The following RSPH1 variants were observed in gnomAD, a reference collection of about 807,000 sequenced individuals.
RSPH1 encodes the protein radial spoke head component 1.
A neutral mutation model predicts 44.2 loss-of-function variants in RSPH1; 32 were observed. The ratio of observed to expected loss-of-function variants is 0.72; its 90% CI spans 0.55 to 0.97. RSPH1 has a LOEUF of 0.97. Ranked by LOEUF, RSPH1 falls within the 50% of genes least tolerant of loss-of-function variation. The pLI is 0.00. For synonymous variants in RSPH1, 134 were observed against 147.3 expected (o/e 0.91, Z 0.65); for missense variants, 391 against 398.7 (o/e 0.98, Z 0.16).
intron 5 of RSPH1, 76 bp from the exon 6 acceptor site, chr21:42,482,784 T>C: frequency 9.4e-7 from 1 of 1,060,042 alleles, no homozygotes; most frequent in Non-Finnish European, 1.4e-6. Context: ...ACCACCACAA[T>C]ACCCACCTCA....
rs747819266 is a variant in RSPH1 at position 42,492,989 on chromosome 21, C to T, written c.145G>A (p.Glu49Lys). 7.4e-6 allele frequency: 12 copies of T among 1,614,188 alleles called. No homozygotes were observed. Among genetic ancestry groups the T allele is most frequent in the East Asian group, 4.5e-5 (2 of 44,890 alleles). Reference protein sequence around the residue: ...PNGDTYEGSYEFGKRHGQGIY... With the variant: ...PNGDTYEGSYKFGKRHGQGIY... ...ACCTGGCCATGTCTTTTACCGAATT[C>T]GTAGCTCCCTTCGTAGGTGTCCCCG... Residue 49 changes from glutamate to lysine, a missense_variant, in exon 2 of 9, where the codon GAA (glutamate) becomes AAA (lysine). Physicochemically the swap from Glu to Lys is moderately conservative, Grantham distance 56 (BLOSUM62 1). Transcript: ENST00000291536.
chr21:42,482,663 G>T lies in RSPH1; in HGVS notation c.547C>A (p.His183Asn). The stretch of plus-strand genomic sequence containing the variant: ...ATATCTGTTAAACGATATTCACCAT[G>T]TTGTTCACACCCAACATCAAATACA... ...KYVFDVGCEQ[H>N]GEYRLTDMER... Residue 183 changes from histidine to asparagine, a missense_variant, in exon 6 of 9, where the codon CAT (histidine) becomes AAT (asparagine). His to Asn is a moderately conservative substitution (Grantham distance 68). Coordinates refer to ENST00000291536, the MANE Select transcript of RSPH1 (RefSeq NM_080860.4). 1 of 1,613,266 alleles carries T rather than the reference G, an allele frequency of 6.2e-7. No individual in the cohort carries two copies. Among genetic ancestry groups the T allele is most frequent in the Non-Finnish European group, 8.5e-7 (1 of 1,179,596 alleles).
intron 3 of RSPH1, among the ~76,000 whole-genome samples, chr21:42,490,702 A>G (rs1016686716): frequency 1.3e-5 from 2 of 152,160 alleles, no homozygotes; most frequent in African/African-American, 4.8e-5. Context: ...AACCCTTGAC[A>G]TTTCCTGACT....
intron 2 of RSPH1, 50 bp from the exon 3 acceptor site, chr21:42,492,913 G>T: frequency 1.3e-6 from 2 of 1,581,126 alleles, no homozygotes; most frequent in Non-Finnish European, 1.7e-6. Flanking sequence ...TGTAGCATTT[G>T]CTAACAGAGT....
At chr21:42,485,641 T>G in intron 5 of RSPH1, 28 bp downstream of exon 5, 3 of 1,613,772 alleles carry the variant, frequency 1.9e-6, no homozygotes, top group Middle Eastern at 1.7e-4. Flanking sequence ...TGTACTTCAT[T>G]GGCAAATGTC....
chr21:42,488,658 G>C (rs1035631948), intron 3 of RSPH1, among the ~76,000 whole-genome samples: 2 of 152,090 alleles, frequency 1.3e-5, no homozygotes, highest in African/African-American at 4.8e-5. Flanking sequence ...CCAAGAGGAC[G>C]GTGAGCAAAA....
At chr21:42,488,658 G>A (rs1035631948) in intron 3 of RSPH1, among the ~76,000 whole-genome samples, 9 of 152,090 alleles carry the variant, frequency 5.9e-5, no homozygotes, top group Non-Finnish European at 7.4e-5. Context: ...CCAAGAGGAC[G>A]GTGAGCAAAA....
At chr21:42,477,817 G>A (rs545669732) in intron 6 of RSPH1, among the ~76,000 whole-genome samples, 30 of 152,074 alleles carry the variant, frequency 2.0e-4, no homozygotes, top group African/African-American at 3.4e-4. Context: ...TCAATTGTTC[G>A]GCCACATTTT....
chr21:42,487,622 T>C (rs777464705), intron 3 of RSPH1, among the ~76,000 whole-genome samples: 7 of 152,232 alleles, frequency 4.6e-5, no homozygotes, highest in Non-Finnish European at 8.8e-5. Context: ...TAACTTATTT[T>C]GATTTATCAT....
chr21:42,479,858 T>G (rs1262885280), intron 6 of RSPH1, among the ~76,000 whole-genome samples: 1 of 152,142 alleles, frequency 6.6e-6, no homozygotes, highest in African/African-American at 2.4e-5. Flanking sequence ...CCACCCAGAC[T>G]AGAGCACCCT....
Position 42,475,924 on chromosome 21 carries a change from T to C in RSPH1, c.851A>G (p.Glu284Gly). Reference sequence around the variant, plus strand: ...CTCATCCATGTCATAGCGGAACTCCTCCTGGTCATACTCCCGGCTCTCTTC... The same window carrying C: ...CTCATCCATGTCATAGCGGAACTCCCCCTGGTCATACTCCCGGCTCTCTTC... ...LREESREYDQ[E>G]EFRYDMDEGN... The change falls in exon 8 of 9, where the codon GAG (glutamate) becomes GGG (glycine). Residue 284 changes from glutamate (E) to glycine (G), a missense_variant. Transcript: ENST00000291536. 1 of 1,611,074 alleles carries C rather than the reference T, an allele frequency of 6.2e-7. No individual in the cohort carries two copies. Among genetic ancestry groups the C allele is most frequent in the Non-Finnish European group, 8.5e-7 (1 of 1,179,372 alleles).
chr21:42,493,322 C>G (rs1000519041), intron 1 of RSPH1, among the ~76,000 whole-genome samples: 13 of 152,216 alleles, frequency 8.5e-5, no homozygotes, highest in African/African-American at 3.1e-4. Flanking sequence ...TTCCCTCCCT[C>G]CAACACAGAG....
At chr21:42,490,235 C>A (rs1332320949) in intron 3 of RSPH1, among the ~76,000 whole-genome samples, 15 of 152,122 alleles carry the variant, frequency 9.9e-5, no homozygotes, top group Admixed American at 9.8e-4. Flanking sequence ...ATAGCCTCTG[C>A]TGGCTCCTGG....
chr21:42,479,152 G>A (rs2054100476), intron 6 of RSPH1, among the ~76,000 whole-genome samples: 1 of 152,162 alleles, frequency 6.6e-6, no homozygotes, highest in Non-Finnish European at 1.5e-5. Context: ...AATTTAAAAA[G>A]AAACAGGGAG....
intron 3 of RSPH1, 47 bp from the exon 4 acceptor site, chr21:42,486,508 G>T: frequency 7.6e-7 from 1 of 1,316,736 alleles, no homozygotes; most frequent in Non-Finnish European, 1.1e-6. Flanking sequence ...AGAAGGGATC[G>T]ATGCCCTGTA....
In RSPH1 at chr21:42,486,422, T is replaced by C. The variant is rs1230211514; in HGVS notation, c.314A>G (p.Tyr105Cys). Reference protein sequence around the residue: ...ANDLRHGHGVYYYINNDTYTG... With the variant: ...ANDLRHGHGVCYYINNDTYTG... ...GTAGGTGTCATTATTGATGTAGTAG[T>C]ATACGCCATGGCCGTGCCGCAGGTC... The change falls in exon 4 of 9, where the codon TAC becomes TGC. Residue 105 changes from tyrosine (Y) to cysteine (C), a missense_variant. Tyr to Cys is a radical substitution (Grantham distance 194). Transcript: ENST00000291536. 6.2e-7 allele frequency: 1 copy of C among 1,613,970 alleles called. No individual in the cohort carries two copies. Among genetic ancestry groups the C allele is most frequent in the African/African-American group, 1.3e-5 (1 of 74,916 alleles).
Position 42,477,287 on chromosome 21 carries a change from A to T in RSPH1, c.727+4T>A, listed in dbSNP as rs2054075716. 1.9e-6 allele frequency: 3 copies of T among 1,609,872 alleles called. No homozygotes were observed. The highest frequency in any genetic ancestry group is 2.5e-6 in the Non-Finnish European group (3 of 1,177,938). On this transcript the variant is annotated splice_donor_region_variant and intron_variant, in intron 7 of 8. Coordinates refer to ENST00000291536, the MANE Select transcript of RSPH1 (RefSeq NM_080860.4). ...CCACCCCACAGCCCGGGGGTGCCCC[A>T]CACTCTCAGCTCCTGGAGCGTCTTG...
intron 5 of RSPH1, chr21:42,484,765 TC>T (rs1443705305): frequency 6.6e-6 from 1 of 152,152 alleles, no homozygotes; most frequent in Non-Finnish European, 1.5e-5. Flanking sequence ...GCAACCACCT[TC>T]CCATCTCCTC....
chr21:42,481,702 C>G (rs1225384031), intron 6 of RSPH1, among the ~76,000 whole-genome samples: 1 of 152,108 alleles, frequency 6.6e-6, no homozygotes, highest in East Asian at 1.9e-4. Flanking sequence ...AAAACCAGTA[C>G]CAGGGTCAGG....
Sources: allele counts gnomAD v4.1 joint callset (sites outside exome capture counted in the v4.1 genomes callset), GRCh38; gene constraint gnomAD v4.1.1; transcripts MANE v1.5; gene names NCBI Gene and HGNC (gene_info 2026-07-23, HGNC 2026-07-21).